Variants in MCC observed in about 807,000 individuals in gnomAD.
MCC encodes MCC regulator of Wnt signaling pathway, also known as colorectal mutant cancer protein.
A neutral mutation model predicts 116.2 loss-of-function variants in MCC; 90 were observed. That is an observed-to-expected ratio of 0.77 (90% CI 0.65 to 0.92). MCC has a LOEUF of 0.92. MCC is among the 40% of genes least tolerant of loss of function. The probability of loss-of-function intolerance (pLI) is 0.00; values close to 1 mark genes in which losing one functional copy is unlikely to be tolerated. For synonymous variants in MCC, 578 were observed against 510.5 expected, an observed-to-expected ratio of 1.13 and a Z score of -1.78; for missense variants, 1,516 against 1,312.2, an observed-to-expected ratio of 1.16 and a Z score of -2.40.
intron 13 of MCC, 107 bp from the exon 14 acceptor site, chr5:113,064,274 G>A (rs1753437570): frequency 9.4e-7 from 1 of 1,063,518 alleles, no homozygotes; most frequent in East Asian, 2.5e-5. Flanking sequence ...AGGTGGCACT[G>A]TGGAAGGGAA....
rs554839328 is a variant in MCC, at chr5:113,322,747, G to A, written c.627+17772C>T. On this transcript the variant is annotated intron_variant, in intron 3 of 18. Transcript: ENST00000408903. ...CACTGGGCTGGGTACAGAGGATAGC[G>A]AGTTAATGAATGAGGGAAGCCAAAC... Among the ~76,000 whole-genome samples the A allele has an allele frequency of 5.9e-5, 9 of 152,308 alleles. No individual in the cohort carries two copies. In the South Asian group the frequency reaches 1.5e-3, roughly 25 times the overall value.
chr5:113,037,676 A>G (rs1751413732), intron 17 of MCC, among the ~76,000 whole-genome samples: 1 of 152,208 alleles, frequency 6.6e-6, no homozygotes, highest in African/African-American at 2.4e-5. Context: ...CCTGGATGAC[A>G]GAGTGAGACC....
intron 2 of MCC, among the ~76,000 whole-genome samples, chr5:113,376,377 A>G (rs1023227900): frequency 1.6e-4 from 24 of 152,226 alleles, no homozygotes; most frequent in African/African-American, 5.8e-4. Context: ...CCCAACATGC[A>G]TAATTGAGTA....
chr5:113,474,257 T>C (rs952707388), intron 1 of MCC, among the ~76,000 whole-genome samples: 1 of 152,184 alleles, frequency 6.6e-6, no homozygotes, highest in South Asian at 2.1e-4. Flanking sequence ...GAATATCCAG[T>C]GTGAGCAGTG....
rs535607145 is a variant in MCC, at chr5:113,141,357, A to G, written c.884+1861T>C. On this transcript the variant is annotated intron_variant, in intron 5 of 18. Transcript: ENST00000408903. ...CAGCATCCCAGGATCTCAAGCTTGC[A>G]GTCAGCCTGTTGTGAAACTTCTCAG... Among the ~76,000 whole-genome samples the G allele has an allele frequency of 2.2e-4, 34 of 152,324 alleles. No individual in the cohort carries two copies. In the South Asian group the frequency reaches 7.1e-3, roughly 32 times the overall value.
At chr5:113,365,380 T>G (rs1768660906) in intron 2 of MCC, among the ~76,000 whole-genome samples, 1 of 152,196 alleles carries the variant, frequency 6.6e-6, no homozygotes, top group Non-Finnish European at 1.5e-5. Context: ...TTTACTCTAG[T>G]TCCAAAAGTT....
chr5:113,465,524 G>C (rs568264130), intron 1 of MCC, among the ~76,000 whole-genome samples: 14 of 152,108 alleles, frequency 9.2e-5, no homozygotes. Flanking sequence ...GACAGTGATA[G>C]ATTTGGCTGC....
intron 2 of MCC, among the ~76,000 whole-genome samples, chr5:113,382,658 T>C (rs1422154406): frequency 6.6e-6 from 1 of 152,182 alleles, no homozygotes; most frequent in African/African-American, 2.4e-5. Context: ...ATAATAAGAA[T>C]ATTAGTTTAA....
intron 11 of MCC, among the ~76,000 whole-genome samples, chr5:113,074,019 A>G (rs536221563): frequency 6.6e-6 from 1 of 152,250 alleles, no homozygotes; most frequent in Non-Finnish European, 1.5e-5. Context: ...TCTGACAGCT[A>G]TGAAGAGAGC....
chr5:113,151,983 C>T (rs777872065), intron 3 of MCC, among the ~76,000 whole-genome samples: 1 of 152,082 alleles, frequency 6.6e-6, no homozygotes, highest in Non-Finnish European at 1.5e-5. Context: ...GTTGGGTCTT[C>T]CCTCCTCTTT....
chr5:113,392,322 A>AT (rs1456853173), intron 1 of MCC, among the ~76,000 whole-genome samples: 1 of 152,206 alleles, frequency 6.6e-6, no homozygotes, highest in African/African-American at 2.4e-5. Flanking sequence ...CAATGAAGAT[A>AT]TAAAAAGATT....
At chr5:113,389,087 A>G (rs1439465302) in intron 1 of MCC, among the ~76,000 whole-genome samples, 1 of 152,246 alleles carries the variant, frequency 6.6e-6, no homozygotes, top group Non-Finnish European at 1.5e-5. Flanking sequence ...CACATGAATG[A>G]GAATATAAAG....
chr5:113,181,585 TG>T (rs1186491533), intron 3 of MCC, among the ~76,000 whole-genome samples: 4 of 152,140 alleles, frequency 2.6e-5, no homozygotes, highest in Non-Finnish European at 5.9e-5. Context: ...GTCAGAAAAG[TG>T]GGGTCAAATC....
chr5:113,348,232 G>A (rs778864812), intron 2 of MCC, among the ~76,000 whole-genome samples: 13 of 152,004 alleles, frequency 8.6e-5, no homozygotes, highest in Non-Finnish European at 1.8e-4. Context: ...GATATTTACA[G>A]AACATTTCTT....
intron 3 of MCC, among the ~76,000 whole-genome samples, chr5:113,243,342 G>A (rs780826420): frequency 5.3e-5 from 8 of 151,972 alleles, no homozygotes; most frequent in Non-Finnish European, 1.0e-4. Flanking sequence ...ACAAAGCTTC[G>A]GCAGCTATAG....
intron 3 of MCC, among the ~76,000 whole-genome samples, chr5:113,218,896 T>C (rs778656731): frequency 8.5e-5 from 13 of 152,192 alleles, no homozygotes; most frequent in Non-Finnish European, 1.8e-4. Context: ...AGAATAGCTT[T>C]TGAAATAATG....
At chr5:113,269,578 T>G (rs937660154) in intron 3 of MCC, among the ~76,000 whole-genome samples, 1 of 152,228 alleles carries the variant, frequency 6.6e-6, no homozygotes, top group African/African-American at 2.4e-5. Flanking sequence ...GGTCTTTATC[T>G]TCCCCAACCT....
chr5:113,218,995 G>A (rs569977220), intron 3 of MCC, among the ~76,000 whole-genome samples: 9 of 152,276 alleles, frequency 5.9e-5, no homozygotes, highest in Non-Finnish European at 8.8e-5. Flanking sequence ...TAAAGGTGAA[G>A]AGTCTAAAAA....
In MCC at chr5:113,023,355, T is replaced by TATCA. The variant is rs1026647877; in HGVS notation, c.*3943_*3946dup. 13 of 152,252 alleles carry TATCA rather than the reference T, an allele frequency of 8.5e-5. No homozygotes were observed. Among genetic ancestry groups the TATCA allele is most frequent in the Middle Eastern group, 3.2e-3 (1 of 316 alleles). 9.4% of individuals were successfully genotyped at this position (152,252 alleles called of 1,614,324 possible). A position where few individuals can be genotyped will look rare whatever the true frequency, so the allele number is the denominator to read the frequency against. On this transcript the variant is annotated 3_prime_UTR_variant, in exon 19 of 19. Transcript: ENST00000408903. The stretch of plus-strand genomic sequence containing the variant: ...TGCTCAAAGGTGAATCAAACTTGTA[T>TATCA]ATCATTCCTTGTCAAATAGGCTGTT...
Sources: allele counts gnomAD v4.1 joint callset (sites outside exome capture counted in the v4.1 genomes callset), GRCh38; gene constraint gnomAD v4.1.1; transcripts MANE v1.5; gene names NCBI Gene and HGNC (gene_info 2026-07-23, HGNC 2026-07-21).